The following KCTD9 variants were observed in gnomAD, a reference collection of about 807,000 sequenced individuals.
KCTD9 encodes BTB/POZ domain-containing protein KCTD9.
In KCTD9, 17 loss-of-function variants were observed where a neutral mutation model predicts 53.3. The observed-to-expected ratio is 0.32, with a 90% CI of 0.22 to 0.48. The LOEUF (loss-of-function observed/expected upper bound fraction) is 0.48, where lower values mean the gene tolerates loss of function less well. KCTD9 is among the 20% of genes least tolerant of loss of function. KCTD9 has a pLI of 0.99. For synonymous variants in KCTD9, 128 were observed against 162.7 expected, an observed-to-expected ratio of 0.79 and a Z score of 1.62; for missense variants, 179 against 465.5, an observed-to-expected ratio of 0.38 and a Z score of 5.66.
intron 6 of KCTD9, 27 bp downstream of exon 6, chr8:25,439,252 T>C: frequency 4.5e-6 from 7 of 1,550,482 alleles, no homozygotes; most frequent in Non-Finnish European, 5.2e-6. Flanking sequence ...AGTTACATAA[T>C]TATATTGAAA....
At chr8:25,444,085 G>A (rs183336125) in intron 3 of KCTD9, among the ~76,000 whole-genome samples, 9 of 152,210 alleles carry the variant, frequency 5.9e-5, no homozygotes, top group Middle Eastern at 3.4e-3. Flanking sequence ...TTAACGGCAT[G>A]TAAAACATGC....
chr8:25,427,921 C>T lies in KCTD9; in HGVS notation c.*1936G>A, dbSNP rs533546409. On this transcript the variant is annotated 3_prime_UTR_variant, in exon 12 of 12. Coordinates refer to ENST00000221200, the MANE Select transcript of KCTD9 (RefSeq NM_017634.4). The stretch of plus-strand genomic sequence containing the variant: ...TAACAAATTAAGTTATACTGTATTT[C>T]CTTTGCTACCCAGAACCACAGGGCT... 1 of 152,118 alleles carries T rather than the reference C, an allele frequency of 6.6e-6. No homozygotes were observed. Among genetic ancestry groups the T allele is most frequent in the South Asian group, 2.1e-4 (1 of 4,828 alleles). 9.4% of individuals were successfully genotyped at this position (152,118 alleles called of 1,614,324 possible).
At chr8:25,452,800 A>C (rs1802352785) in intron 1 of KCTD9, among the ~76,000 whole-genome samples, 1 of 152,246 alleles carries the variant, frequency 6.6e-6, no homozygotes, top group Non-Finnish European at 1.5e-5. Flanking sequence ...ATGTACTTTA[A>C]TAAAGCAGTA....
rs1427348847 is a variant in KCTD9 at position 25,440,044 on chromosome 8, A to G, written c.312-380T>C. Among the ~76,000 whole-genome samples, 6 of 150,542 alleles carry G rather than the reference A, an allele frequency of 4.0e-5. No individual in the cohort carries two copies. In the South Asian group the frequency reaches 1.3e-3, roughly 31 times the overall value. On this transcript the variant is annotated intron_variant, in intron 4 of 11. Transcript: ENST00000221200. ...ACTTATATTGTGTGTTTATTACTCA[A>G]TATCTAAAAAGCATGTTTTTTTTTT...
At chr8:25,441,278 GA>G (rs1346695110) in intron 3 of KCTD9, among the ~76,000 whole-genome samples, 2 of 151,666 alleles carry the variant, frequency 1.3e-5, no homozygotes, top group African/African-American at 4.8e-5. Context: ...AAAAACAACA[GA>G]AAAGGGAACT....
At position 25,442,901 on chromosome 8, in the gene KCTD9, T is replaced by C. The variant is rs992556571; in HGVS notation, c.214+1391A>G. 2.0e-5 allele frequency among the ~76,000 whole-genome samples: 3 copies of C among 152,186 alleles called. No homozygotes were observed. The East Asian group carries it at 5.8e-4, about 29-fold the overall frequency. The stretch of plus-strand genomic sequence containing the variant: ...ATGGGGTAAAGTAAATGAGTAATTA[T>C]GTGACATTATAATTCTATTAGTCTC... On this transcript the variant is annotated intron_variant, in intron 3 of 11. Transcript: ENST00000221200.
intron 1 of KCTD9, chr8:25,450,428 G>A: frequency 6.1e-6 from 6 of 984,208 alleles, no homozygotes; most frequent in Non-Finnish European, 7.2e-6. Flanking sequence ...GTTGAGTGTT[G>A]AAGTAGGACA....
Position 25,428,367 on chromosome 8 carries a change from A to T in KCTD9, c.*1490T>A, listed in dbSNP as rs1172325634. On this transcript the variant is annotated 3_prime_UTR_variant, in exon 12 of 12. Transcript: ENST00000221200. ...AAGGTCTGATCTCCTCCCACTATGC[A>T]TATGTACCCTTTACTGTTAAGGAAA... 6.6e-6 allele frequency: 1 copy of T among 152,600 alleles called. No individual in the cohort carries two copies. Among genetic ancestry groups the T allele is most frequent in the African/African-American group, 2.4e-5 (1 of 41,452 alleles). The allele number at this position is 152,600 out of a possible 1,614,324, so 9.5% of individuals were successfully genotyped here. A position where few individuals can be genotyped will look rare whatever the true frequency, so the allele number is the denominator to read the frequency against.
chr8:25,431,759 T>C (rs1455050669), intron 11 of KCTD9, among the ~76,000 whole-genome samples: 6 of 152,156 alleles, frequency 3.9e-5, no homozygotes, highest in Non-Finnish European at 8.8e-5. Context: ...TATCAAGATA[T>C]CTAGGCAAAA....
At position 25,446,125 on chromosome 8, in the gene KCTD9, T is replaced by C; in HGVS notation, c.170+4A>G. On this transcript the variant is annotated splice_donor_region_variant and intron_variant, in intron 2 of 11. Transcript: ENST00000221200. ...TTGACAGCTTATAAAAAGGTGAAGGTTACCTGATCAAAGCAATATCATCAA... is the reference window on the plus strand; with the variant it reads ...TTGACAGCTTATAAAAAGGTGAAGGCTACCTGATCAAAGCAATATCATCAA... 6.2e-7 allele frequency: 1 copy of C among 1,612,940 alleles called. No individual in the cohort carries two copies. Among genetic ancestry groups the C allele is most frequent in the Non-Finnish European group, 8.5e-7 (1 of 1,179,488 alleles).
intron 1 of KCTD9, among the ~76,000 whole-genome samples, chr8:25,452,868 C>T (rs997360850): frequency 6.6e-6 from 1 of 151,978 alleles, no homozygotes; most frequent in African/African-American, 2.4e-5. Flanking sequence ...TTATATTGAA[C>T]GAAAAAAGCA....
At chr8:25,450,015 C>A (rs116408703) in intron 1 of KCTD9, among the ~76,000 whole-genome samples, 1,743 of 152,258 alleles carry the variant, frequency 0.011, 34 homozygotes, top group African/African-American at 0.039. Context: ...TAGAAAAAAA[C>A]CACACATACT....
chr8:25,443,831 A>AGTGTGTGTGCACAC (rs1802166146), intron 3 of KCTD9, among the ~76,000 whole-genome samples: 1 of 152,300 alleles, frequency 6.6e-6, no homozygotes, highest in South Asian at 2.1e-4. Flanking sequence ...ATCAAAGGGT[A>AGTGTGTGTGCACAC]GTGTGTGTGC....
intron 3 of KCTD9, 51 bp downstream of exon 3, chr8:25,444,241 A>ATT (rs1171918272): frequency 7.6e-6 from 6 of 785,408 alleles, no homozygotes; most frequent in African/African-American, 6.1e-5. Flanking sequence ...TTGTCATTCC[A>ATT]TCTTTTTTTT....
At position 25,429,823 on chromosome 8, in the gene KCTD9, C is replaced by T. The variant is rs779157104; in HGVS notation, c.*34G>A. 1 of 1,022,962 alleles carries T rather than the reference C, an allele frequency of 9.8e-7. No homozygotes were observed. Among genetic ancestry groups the T allele is most frequent in the Non-Finnish European group, 1.6e-6 (1 of 643,314 alleles). 63.4% of individuals were successfully genotyped at this position (1,022,962 alleles called of 1,614,324 possible). A position where few individuals can be genotyped will look rare whatever the true frequency, so the allele number is the denominator to read the frequency against. On this transcript the variant is annotated 3_prime_UTR_variant, in exon 12 of 12. Coordinates refer to ENST00000221200, the MANE Select transcript of KCTD9 (RefSeq NM_017634.4). ...AGAAAAGTGATAAGGAAAACATTTT[C>T]ATCTTTTACATCTTCCTCCAGCCCC...
intron 1 of KCTD9, among the ~76,000 whole-genome samples, chr8:25,450,963 T>C (rs1239919311): frequency 6.6e-6 from 1 of 152,244 alleles, no homozygotes; most frequent in East Asian, 1.9e-4. Flanking sequence ...CAATTTCCTT[T>C]AAGTGAAATA....
At chr8:25,442,478 T>C (rs1016214493) in intron 3 of KCTD9, among the ~76,000 whole-genome samples, 2 of 152,188 alleles carry the variant, frequency 1.3e-5, no homozygotes, top group African/African-American at 2.4e-5. Flanking sequence ...TACTAAAGTT[T>C]ATAATTTAAT....
At chr8:25,434,656 A>C (rs7842899) in intron 9 of KCTD9, among the ~76,000 whole-genome samples, 61,293 of 151,940 alleles carry the variant, frequency 0.4, 12,748 homozygotes, top group African/African-American at 0.51. Flanking sequence ...TTCATGGAAA[A>C]ATAAGCTGCA....
chr8:25,442,267 C>A (rs1408628980), intron 3 of KCTD9, among the ~76,000 whole-genome samples: 7 of 152,094 alleles, frequency 4.6e-5, no homozygotes, highest in Non-Finnish European at 8.8e-5. Flanking sequence ...ACTAAAATTA[C>A]TGTACTTTAA....
Sources: allele counts gnomAD v4.1 joint callset (sites outside exome capture counted in the v4.1 genomes callset), GRCh38; gene constraint gnomAD v4.1.1; transcripts MANE v1.5; gene names NCBI Gene and HGNC (gene_info 2026-07-23, HGNC 2026-07-21).